Variants in HVCN1 observed in about 807,000 individuals in gnomAD.
HVCN1 encodes the protein voltage-gated hydrogen channel 1.
A neutral mutation model predicts 29.2 loss-of-function variants in HVCN1; 14 were observed. The ratio of observed to expected loss-of-function variants is 0.48; its 90% CI spans 0.32 to 0.75. The LOEUF is 0.75. Among genes scored for constraint, HVCN1 ranks in the 30% least tolerant of loss-of-function variants. The pLI is 0.04. For synonymous variants in HVCN1, 131 were observed against 133.2 expected, an observed-to-expected ratio of 0.98 and a Z score of 0.11; for missense variants, 263 against 341.8, an observed-to-expected ratio of 0.77 and a Z score of 1.82.
intron 2 of HVCN1, among the ~76,000 whole-genome samples, chr12:110,683,915 A>AAAAAAAAAAAGG (rs2069084574): frequency 1.6e-5 from 2 of 125,150 alleles, no homozygotes; most frequent in Non-Finnish European, 3.5e-5. Context: ...TATCTAAAAA[A>AAAAAAAAAAAGG]AAAAAAAAAA....
intron 2 of HVCN1, among the ~76,000 whole-genome samples, chr12:110,684,654 G>T (rs1259460323): frequency 6.6e-6 from 1 of 152,230 alleles, no homozygotes; most frequent in African/African-American, 2.4e-5. Flanking sequence ...GAAGAAAAGG[G>T]AGTGATCTGG....
chr12:110,681,000 C>T (rs951043101), intron 3 of HVCN1, among the ~76,000 whole-genome samples: 1 of 152,164 alleles, frequency 6.6e-6, no homozygotes, highest in African/African-American at 2.4e-5. Flanking sequence ...GCGTCAGATT[C>T]GCACCTGTTC....
At position 110,676,250 on chromosome 12, in the gene HVCN1, C is replaced by A. The variant is rs1408020884; in HGVS notation, c.21+6975G>T. Among the ~76,000 whole-genome samples the A allele has an allele frequency of 6.6e-6, 1 of 152,240 alleles. No homozygotes were observed. Among genetic ancestry groups the A allele is most frequent in the Non-Finnish European group, 1.5e-5 (1 of 68,040 alleles). ...CACTGCCCTGGCCAACCCCCTGCCT[C>A]ACTTGGAGGCTGTCGCAGCTCCTCT... On this transcript the variant is annotated intron_variant, in intron 3 of 7. Transcript: ENST00000242607. This position sits in a 1 kb window ranked among gnomAD's most constrained non-coding sequence, Gnocchi z 4.1.
At chr12:110,704,066 G>A (rs1203081262) in intron 1 of HVCN1, among the ~76,000 whole-genome samples, 1 of 152,040 alleles carries the variant, frequency 6.6e-6, no homozygotes, top group African/African-American at 2.4e-5. Flanking sequence ...CAATTTGACT[G>A]CATGAAATTT....
chr12:110,675,206 C>T (rs2068707038), intron 3 of HVCN1, among the ~76,000 whole-genome samples: 1 of 152,214 alleles, frequency 6.6e-6, no homozygotes, highest in Non-Finnish European at 1.5e-5. Flanking sequence ...TACCTGTAAT[C>T]CCAGCGCTTT....
At chr12:110,670,265 G>A (rs1026965820) in intron 3 of HVCN1, among the ~76,000 whole-genome samples, 1 of 152,184 alleles carries the variant, frequency 6.6e-6, no homozygotes, top group African/African-American at 2.4e-5. Flanking sequence ...AAAGTCCCTA[G>A]TTCATTGTTA....
intron 5 of HVCN1, among the ~76,000 whole-genome samples, chr12:110,652,164 C>A (rs775729932): frequency 6.6e-6 from 1 of 152,174 alleles, no homozygotes; most frequent in Non-Finnish European, 1.5e-5. Flanking sequence ...GAGGCCAAGG[C>A]GGGCAGATCA....
At chr12:110,675,846 T>C (rs2068736576) in intron 3 of HVCN1, among the ~76,000 whole-genome samples, 2 of 152,060 alleles carry the variant, frequency 1.3e-5, no homozygotes, top group Admixed American at 6.6e-5. Context: ...GAGGCAGAGG[T>C]TGCAGTGAGC....
At chr12:110,685,382 C>A (rs943885215) in intron 2 of HVCN1, among the ~76,000 whole-genome samples, 7 of 152,194 alleles carry the variant, frequency 4.6e-5, no homozygotes, top group Non-Finnish European at 2.9e-5. Flanking sequence ...TACCTTGACT[C>A]GAGCCCACTG....
intron 2 of HVCN1, among the ~76,000 whole-genome samples, chr12:110,684,877 G>A (rs575567878): frequency 3.9e-5 from 6 of 152,184 alleles, no homozygotes; most frequent in Admixed American, 6.5e-5. Context: ...TTCCTACGTC[G>A]CCTTCTGGAG....
intron 2 of HVCN1, among the ~76,000 whole-genome samples, chr12:110,700,349 G>C (rs931366050): frequency 6.6e-6 from 1 of 152,254 alleles, no homozygotes; most frequent in Non-Finnish European, 1.5e-5. Flanking sequence ...GAATCACACA[G>C]AGGACAGCAA....
At chr12:110,699,582 G>A (rs1012698244) in intron 2 of HVCN1, among the ~76,000 whole-genome samples, 1 of 152,090 alleles carries the variant, frequency 6.6e-6, no homozygotes, top group South Asian at 2.1e-4. Flanking sequence ...GTCCTTTCTG[G>A]TAAGGGACAC....
At chr12:110,655,829 C>T (rs1410623371) in intron 4 of HVCN1, among the ~76,000 whole-genome samples, 2 of 151,952 alleles carry the variant, frequency 1.3e-5, no homozygotes, top group African/African-American at 2.4e-5. Flanking sequence ...TTCAGCCTCC[C>T]GAGTAGCTGG....
chr12:110,686,005 T>C (rs1425285876), intron 2 of HVCN1, among the ~76,000 whole-genome samples: 1 of 152,004 alleles, frequency 6.6e-6, no homozygotes. Flanking sequence ...TCTATAATTT[T>C]TTTTTTCCCC....
intron 3 of HVCN1, among the ~76,000 whole-genome samples, chr12:110,666,062 A>G (rs553976706): frequency 6.6e-6 from 1 of 152,140 alleles, no homozygotes; most frequent in South Asian, 2.1e-4. Context: ...AGAACTGAAA[A>G]GTATATATAC....
At chr12:110,690,927 GT>G (rs908870093), upstream of HVCN1, among the ~76,000 whole-genome samples, 3 of 150,290 alleles carry the variant, frequency 2.0e-5, no homozygotes, top group Non-Finnish European at 3.0e-5. Flanking sequence ...GCTAATTTTT[GT>G]TTTTTTAGTA....
Position 110,650,382 on chromosome 12 carries a change from A to G in HVCN1, c.644-102T>C. On this transcript the variant is annotated intron_variant, in intron 6 of 7. Coordinates refer to ENST00000242607, the MANE Select transcript of HVCN1 (RefSeq NM_032369.4). ...CTGTATAGAGTTTGGAGGAGTGGTGACAGACACGCGAGACAGTCATCACTT... is the reference window on the plus strand; with the variant it reads ...CTGTATAGAGTTTGGAGGAGTGGTGGCAGACACGCGAGACAGTCATCACTT... The G allele has an allele frequency of 5.8e-6, 4 of 695,478 alleles. 1 individual carries two copies. In the Middle Eastern group the frequency reaches 8.3e-4, roughly 144 times the overall value. 43.1% of individuals were successfully genotyped at this position (695,478 alleles called of 1,614,324 possible).
chr12:110,680,861 C>T (rs532745546), intron 3 of HVCN1, among the ~76,000 whole-genome samples: 10 of 152,150 alleles, frequency 6.6e-5, no homozygotes, highest in East Asian at 1.9e-4. Context: ...ACCCAGGAGA[C>T]GGAGGTTGAA....
intron 1 of HVCN1, among the ~76,000 whole-genome samples, chr12:110,703,207 CAAAAAA>C (rs758737358): frequency 5.1e-5 from 5 of 98,760 alleles, no homozygotes; most frequent in Admixed American, 1.3e-4. Context: ...ATGTCTCTAC[CAAAAAA>C]AAAAAAAAAA....
Sources: allele counts gnomAD v4.1 joint callset (sites outside exome capture counted in the v4.1 genomes callset), GRCh38; gene constraint gnomAD v4.1.1; non-coding constraint Gnocchi (gnomAD v3.1); transcripts MANE v1.5; gene names NCBI Gene and HGNC (gene_info 2026-07-23, HGNC 2026-07-21).